Variants in TRIP12 observed in about 807,000 individuals in gnomAD.
The protein encoded by TRIP12 is thyroid hormone receptor interactor 12.
Under a neutral mutation model 244.2 loss-of-function variants are expected in TRIP12, and 25 were observed. The observed-to-expected ratio is 0.10, with a 90% CI of 0.07 to 0.14. The LOEUF (loss-of-function observed/expected upper bound fraction) is 0.14. Among genes scored for constraint, TRIP12 ranks in the 10% least tolerant of loss-of-function variants. TRIP12 has a pLI of 1.00. For missense variants in TRIP12, 1,677 were observed against 2,486.4 expected (o/e 0.67, Z 6.92); for synonymous variants, 905 against 873.1 (o/e 1.04, Z -0.64).
chr2:229,875,669 A>T (rs1452925020), intron 2 of TRIP12, among the ~76,000 whole-genome samples: 1 of 152,252 alleles, frequency 6.6e-6, no homozygotes, highest in Admixed American at 6.5e-5. Context: ...TTCAACTGAA[A>T]GAATGTGTAA....
intron 2 of TRIP12, among the ~76,000 whole-genome samples, chr2:229,864,039 AGAGAGAGAGTGTGTGTGT>A (rs1371592833): frequency 4.9e-4 from 39 of 79,250 alleles, no homozygotes; most frequent in Middle Eastern, 5.6e-3. Context: ...AGAGAGAGAG[AGAGAGAGAGTGTGTGTGT>A]GTGTGTGTGT....
At chr2:229,771,983 A>T (rs773319519) in intron 38 of TRIP12, among the ~76,000 whole-genome samples, 9 of 152,268 alleles carry the variant, frequency 5.9e-5, no homozygotes, top group Non-Finnish European at 1.2e-4. Context: ...TTGAGAATTA[A>T]AGGTAATGTT....
intron 33 of TRIP12, among the ~76,000 whole-genome samples, chr2:229,786,564 ATTTTTTTTTTTTT>A (rs34969936): frequency 1.5e-4 from 12 of 78,008 alleles, no homozygotes; most frequent in African/African-American, 4.9e-4. Flanking sequence ...CGCCCAGATA[ATTTTTTTTTTTTT>A]TTTTTTTTTT....
rs761644172 is a variant in TRIP12 at position 229,787,792 on chromosome 2, GTTTAGGTCAATTTA to G, written c.4839-145_4839-132del. 6.1e-4 allele frequency: 546 copies of G among 898,180 alleles called. 1 individual carries two copies. Among genetic ancestry groups the G allele is most frequent in the Non-Finnish European group, 7.6e-4 (473 of 621,094 alleles). The allele number at this position is 898,180 out of a possible 1,614,324, so 55.6% of individuals were successfully genotyped here. On this transcript the variant is annotated intron_variant, in intron 32 of 41. Coordinates refer to ENST00000675903, the MANE Select transcript of TRIP12 (RefSeq NM_001348323.3). ...ATTGTAAATAAAATCAGTAAAAATT[GTTTAGGTCAATTTA>G]TTTATTTATTTTGAGATGGAGTCCT...
At position 229,796,656 on chromosome 2, in the gene TRIP12, C is replaced by T; in HGVS notation, c.3751G>A (p.Glu1251Lys). 6.2e-7 allele frequency: 1 copy of T among 1,612,392 alleles called. No homozygotes were observed. The highest frequency in any genetic ancestry group is 8.5e-7 in the Non-Finnish European group (1 of 1,179,636). Residue 1251 changes from glutamate to lysine, a missense_variant, in exon 25 of 42, where the codon GAA becomes AAA. By Grantham distance (56) the Glu-to-Lys change is moderately conservative. This residue lies in a region of TRIP12 where 77 missense variants were observed against 69.2 expected (regional missense o/e 1.11). Transcript: ENST00000675903. Reference sequence around the variant, plus strand: ...ATCTCTCTGCTCACAGCATCCTTTTCACTTTTAGATGTCAAATAAAGCAAC... The same window carrying T: ...ATCTCTCTGCTCACAGCATCCTTTTTACTTTTAGATGTCAAATAAAGCAAC... ...QLLLYLTSKS[E>K]KDAVSREIRL...
chr2:229,790,378 GCAT>G (rs1470775699), intron 30 of TRIP12, among the ~76,000 whole-genome samples: 1 of 152,120 alleles, frequency 6.6e-6, no homozygotes, highest in Non-Finnish European at 1.5e-5. Flanking sequence ...ATAGAAAACA[GCAT>G]GTTTAACACC....
chr2:229,918,510 T>A (rs2075921315), intron 1 of TRIP12, among the ~76,000 whole-genome samples: 1 of 152,212 alleles, frequency 6.6e-6, no homozygotes, highest in African/African-American at 2.4e-5. Flanking sequence ...TTAAGTCAAT[T>A]TCATTAGAGT....
At chr2:229,795,379 A>G in intron 25 of TRIP12, 49 bp from the exon 26 acceptor site, 4 of 1,564,934 alleles carry the variant, frequency 2.6e-6, no homozygotes, top group Non-Finnish European at 3.5e-6. Flanking sequence ...TTTCAAAACA[A>G]AAGTCTCCTC....
intron 18 of TRIP12, among the ~76,000 whole-genome samples, chr2:229,805,006 C>T (rs1266891677): frequency 6.6e-6 from 1 of 152,106 alleles, no homozygotes; most frequent in East Asian, 1.9e-4. Flanking sequence ...CCCGGGTTCA[C>T]GCCATTCCTC....
At chr2:229,919,890 T>C (rs2076178473) in intron 1 of TRIP12, among the ~76,000 whole-genome samples, 1 of 152,198 alleles carries the variant, frequency 6.6e-6, no homozygotes, top group African/African-American at 2.4e-5. Context: ...CAGTTCAACA[T>C]TTCTGGGGCT....
chr2:229,792,704 A>T (rs1409520148), intron 27 of TRIP12, among the ~76,000 whole-genome samples: 1 of 152,184 alleles, frequency 6.6e-6, no homozygotes, highest in African/African-American at 2.4e-5. Context: ...TGAAGCAGAA[A>T]GGTCTAAGAA....
intron 37 of TRIP12, among the ~76,000 whole-genome samples, chr2:229,775,869 T>A (rs763254468): frequency 2.6e-5 from 4 of 151,980 alleles, no homozygotes; most frequent in Non-Finnish European, 5.9e-5. Flanking sequence ...GTTATTATAA[T>A]AAGTCAATTT....
chr2:229,855,603 TAAAAAAA>T (rs1166000961), intron 4 of TRIP12, among the ~76,000 whole-genome samples: 2 of 88,676 alleles, frequency 2.3e-5, no homozygotes, highest in African/African-American at 7.5e-5. Context: ...AACAAGGGTT[TAAAAAAA>T]AAAAAAAAAA....
intron 34 of TRIP12, among the ~76,000 whole-genome samples, chr2:229,782,878 A>G (rs1391458450): frequency 6.6e-6 from 1 of 152,168 alleles, no homozygotes; most frequent in Admixed American, 6.5e-5. Flanking sequence ...TGAGGGGCAG[A>G]ACCTCCATTA....
intron 1 of TRIP12, among the ~76,000 whole-genome samples, chr2:229,901,720 A>G (rs377274518): frequency 7.9e-5 from 12 of 152,274 alleles, no homozygotes; most frequent in African/African-American, 2.9e-4. Flanking sequence ...CTTTTCCCTC[A>G]AGGAATATAC....
chr2:229,803,889 C>T, intron 19 of TRIP12, 110 bp downstream of exon 19: 1 of 1,015,192 alleles, frequency 9.9e-7, no homozygotes, highest in Non-Finnish European at 1.4e-6. Flanking sequence ...GCTCAAGATA[C>T]TCCTAACAAA....
At chr2:229,781,874 C>A (rs2038282522) in intron 34 of TRIP12, among the ~76,000 whole-genome samples, 1 of 152,102 alleles carries the variant, frequency 6.6e-6, no homozygotes. Context: ...TGAAGCAGCT[C>A]CTGGAATCTT....
Position 229,804,229 on chromosome 2 carries a change from TATTAC to T in TRIP12, c.2651-7_2651-3del. On this transcript the variant is annotated splice_region_variant and splice_polypyrimidine_tract_variant and intron_variant, in intron 18 of 41. Transcript: ENST00000675903. The stretch of plus-strand genomic sequence containing the variant: ...CCTTCTTTGACTCTGAATATCCACC[TATTAC>T]ATTAAAAAAAAATATATGTGCAATC... 6.2e-7 allele frequency: 1 copy of T among 1,604,040 alleles called. No homozygotes were observed. Among genetic ancestry groups the T allele is most frequent in the Non-Finnish European group, 8.5e-7 (1 of 1,176,928 alleles).
chr2:229,870,604 G>T (rs1324919803), intron 2 of TRIP12, among the ~76,000 whole-genome samples: 6 of 152,120 alleles, frequency 3.9e-5, no homozygotes. Context: ...ATAAGGTCTA[G>T]AATACAGAAG....
Sources: gnomAD v4.1 joint callset for allele counts (sites outside exome capture counted in the v4.1 genomes callset) on GRCh38, gnomAD v4.1.1 for gene constraint, gnomAD v4.1.1 regional missense constraint, MANE v1.5 for transcripts, NCBI Gene and HGNC (gene_info 2026-07-23, HGNC 2026-07-21) for gene names.